UNC93A: variants seen among roughly 807,000 people sequenced by gnomAD.
UNC93A encodes the protein unc-93 homolog A.
UNC93A carries 43 observed loss-of-function variants against 47.5 expected under a neutral mutation model. The ratio of observed to expected loss-of-function variants is 0.91; its 90% confidence interval spans 0.71 to 1.17. UNC93A has a LOEUF of 1.17. UNC93A is among the 50% of genes most tolerant of loss of function. The pLI is 0.00. For missense variants in UNC93A, 605 were observed against 577.6 expected (o/e 1.05, Z -0.49); for synonymous variants, 280 against 258.0 (o/e 1.09, Z -0.82).
At chr6:167,309,587 G>C (rs1778501892) in intron 7 of UNC93A, among the ~76,000 whole-genome samples, 1 of 152,160 alleles carries the variant, frequency 6.6e-6, no homozygotes. Flanking sequence ...TCGGGGCTTA[G>C]AAAATGGAAA....
intron 7 of UNC93A, among the ~76,000 whole-genome samples, chr6:167,308,514 G>A (rs1198893279): frequency 3.9e-5 from 6 of 151,946 alleles, no homozygotes; most frequent in African/African-American, 9.7e-5. Context: ...TCCTCCTAGA[G>A]GCTACATCTG....
At chr6:167,309,747 G>A (rs147229946) in intron 7 of UNC93A, among the ~76,000 whole-genome samples, 10 of 151,822 alleles carry the variant, frequency 6.6e-5, no homozygotes, top group Admixed American at 1.3e-4. Flanking sequence ...GGTGGGTTGC[G>A]TATCCACAGG....
chr6:167,300,455 C>T (rs1778210676), intron 4 of UNC93A, among the ~76,000 whole-genome samples: 2 of 151,940 alleles, frequency 1.3e-5, no homozygotes, highest in Admixed American at 1.3e-4. Context: ...GGCAGGGCCC[C>T]TAGGAGGCTC....
At chr6:167,292,246 G>T (rs1783857629) in intron 1 of UNC93A, among the ~76,000 whole-genome samples, 1 of 152,126 alleles carries the variant, frequency 6.6e-6, no homozygotes, top group Admixed American at 6.5e-5. Context: ...AGGAAGCAGG[G>T]CTATTGTTAC....
intron 4 of UNC93A, among the ~76,000 whole-genome samples, chr6:167,299,397 C>T (rs1025705097): frequency 3.9e-5 from 6 of 152,002 alleles, no homozygotes; most frequent in Admixed American, 1.3e-4. Context: ...AGATGATGTG[C>T]GGCACCAACC....
chr6:167,306,015 C>T lies in UNC93A; in HGVS notation c.941C>T (p.Ser314Leu), dbSNP rs376103334. The change falls in exon 6 of 8, where the codon TCG becomes TTG. Residue 314 changes from serine to leucine, a missense_variant. Physicochemically the swap from Ser to Leu is moderately radical, Grantham distance 145. Coordinates refer to ENST00000230256, the MANE Select transcript of UNC93A (RefSeq NM_018974.4). ...TGCTCCGTGTTGTATGGAAAGGTCTCGCAGTACACGGGCAGGGCTGTGCTG... is the reference window on the plus strand; with the variant it reads ...TGCTCCGTGTTGTATGGAAAGGTCTTGCAGTACACGGGCAGGGCTGTGCTG... ...ALCSVLYGKV[S>L]QYTGRAVLYV... The T allele has an allele frequency of 4.2e-5, 68 of 1,614,172 alleles. No homozygotes were observed. The African/African-American group carries it at 4.3e-4, about 10-fold the overall frequency.
chr6:167,294,674 C>T lies in UNC93A; in HGVS notation c.245C>T (p.Ser82Phe), dbSNP rs745690140. ...TCCATGTGTGGCTACGTGGCCTTCT[C>T]CGTGGGCAACTTCTTCGCCAGCTGG... is the stretch of plus-strand genomic sequence containing the variant. ...ILSMCGYVAF[S>F]VGNFFASWYT... Residue 82 changes from serine to phenylalanine, a missense_variant, in exon 2 of 8, where the codon TCC becomes TTC. By Grantham distance (155) the Ser-to-Phe change is radical. Coordinates refer to ENST00000230256, the MANE Select transcript of UNC93A (RefSeq NM_018974.4). 2 of 1,601,258 alleles carry T rather than the reference C, an allele frequency of 1.2e-6. No homozygotes were observed. Among genetic ancestry groups the T allele is most frequent in the Non-Finnish European group, 1.7e-6 (2 of 1,170,534 alleles).
chr6:167,298,157 T>C (rs1778143953), intron 4 of UNC93A, 87 bp downstream of exon 4: 6 of 1,519,454 alleles, frequency 3.9e-6, no homozygotes, highest in Non-Finnish European at 4.4e-6. Flanking sequence ...TCTCTCCCAA[T>C]GTAAAAGTAA....
chr6:167,303,431 T>G (rs1477393635), intron 4 of UNC93A, among the ~76,000 whole-genome samples: 2 of 152,182 alleles, frequency 1.3e-5, no homozygotes, highest in Admixed American at 1.3e-4. Flanking sequence ...AGATACCCCT[T>G]AATATCTTTA....
rs141134726 is a variant in UNC93A, at chr6:167,274,237, T to G, written c.-52+2779T>G. ...TTGTAGGGTGACCTCCCCAGGCCCC[T>G]TAGGTAGGAATTTGGGCAGGAGAAG... On this transcript the variant is annotated intron_variant, in intron 1 of 3. Transcript: ENST00000503433. 6.7e-3 allele frequency among the ~76,000 whole-genome samples: 1,017 copies of G among 152,264 alleles called. 17 individuals are homozygous for G. Among genetic ancestry groups the G allele is most frequent in the African/African-American group, 0.023 (953 of 41,532 alleles).
intron 6 of UNC93A, 111 bp from the exon 7 acceptor site, chr6:167,307,668 C>T: frequency 1.5e-6 from 2 of 1,360,392 alleles, no homozygotes; most frequent in Middle Eastern, 2.0e-4. Flanking sequence ...TTCCAGAGGA[C>T]AGTTCCAGAG....
upstream of UNC93A, among the ~76,000 whole-genome samples, chr6:167,290,358 T>G (rs373999748): frequency 9.2e-5 from 14 of 152,202 alleles, no homozygotes; most frequent in African/African-American, 3.4e-4. Context: ...CTTCTGATGG[T>G]CTGGCAAGCT....
At chr6:167,295,900 A>G (rs1219789795) in intron 2 of UNC93A, 132 bp from the exon 3 acceptor site, 5 of 748,520 alleles carry the variant, frequency 6.7e-6, no homozygotes, top group Non-Finnish European at 1.1e-5. Context: ...CCAACCAGCA[A>G]CACTCATCAC....
chr6:167,271,764 AT>A (rs2115065100), intron 1 of UNC93A, among the ~76,000 whole-genome samples: 1 of 152,328 alleles, frequency 6.6e-6, no homozygotes, highest in African/African-American at 2.4e-5. Context: ...GCACTCAGCC[AT>A]GAGTCACTCC....
Position 167,315,975 on chromosome 6 carries a change from T to C in UNC93A, c.*523T>C, listed in dbSNP as rs1035962960. 3 of 156,136 alleles carry C rather than the reference T, an allele frequency of 1.9e-5. No individual in the cohort carries two copies. The highest frequency in any genetic ancestry group is 2.7e-5 in the Non-Finnish European group (2 of 75,152). The allele number at this position is 156,136 out of a possible 1,614,324, so 9.7% of individuals were successfully genotyped here. ...TGGGGCTCAGGATTCCTGAAACGTG[T>C]GGGGTCTGCGTTTCTAAATAAAGAC... On this transcript the variant is annotated 3_prime_UTR_variant, in exon 8 of 8. Transcript: ENST00000230256.
At chr6:167,275,098 G>C (rs761671231) in intron 1 of UNC93A, among the ~76,000 whole-genome samples, 1 of 152,160 alleles carries the variant, frequency 6.6e-6, no homozygotes, top group Non-Finnish European at 1.5e-5. Flanking sequence ...AGCTGACCGT[G>C]GCATCTGTGT....
chr6:167,281,557 G>T (rs184879085), intron 1 of UNC93A, among the ~76,000 whole-genome samples: 1 of 152,302 alleles, frequency 6.6e-6, no homozygotes, highest in Non-Finnish European at 1.5e-5. Context: ...GAGAGAGTAT[G>T]TGCAGGAGCC....
chr6:167,312,793 T>C (rs1457190726), intron 7 of UNC93A, among the ~76,000 whole-genome samples: 9 of 152,254 alleles, frequency 5.9e-5, no homozygotes, highest in Non-Finnish European at 8.8e-5. Flanking sequence ...GGTAGTTCCA[T>C]GCAATTCAAA....
At chr6:167,307,964 C>A in intron 7 of UNC93A, 54 bp downstream of exon 7, 2 of 1,602,040 alleles carry the variant, frequency 1.2e-6, no homozygotes, top group Non-Finnish European at 1.7e-6. Flanking sequence ...CGGTCCCTGG[C>A]CAAGGCAACT....
Sources: gnomAD v4.1 joint callset for allele counts (sites outside exome capture counted in the v4.1 genomes callset) on GRCh38, gnomAD v4.1.1 for gene constraint, MANE v1.5 for transcripts, NCBI Gene and HGNC (gene_info 2026-07-23, HGNC 2026-07-21) for gene names.